The following MTMR3 variants were observed in gnomAD, a reference collection of about 807,000 sequenced individuals.
The protein encoded by MTMR3 is phosphatidylinositol-3,5-bisphosphate 3-phosphatase MTMR3.
In MTMR3, 32 loss-of-function variants were observed where a neutral mutation model predicts 132.4. The observed-to-expected ratio is 0.24, with a 90% confidence interval of 0.18 to 0.32. MTMR3 has a LOEUF of 0.32. MTMR3 is among the 10% of genes least tolerant of loss of function. The pLI, the probability that MTMR3 is intolerant of heterozygous loss-of-function variation, is 1.00. For missense variants in MTMR3, 1,216 were observed against 1,489.6 expected, an observed-to-expected ratio of 0.82 and a Z score of 3.02; for synonymous variants, 556 against 550.3, an observed-to-expected ratio of 1.01 and a Z score of -0.14.
chr22:29,914,399 T>G (rs2065271257), intron 1 of MTMR3, among the ~76,000 whole-genome samples: 1 of 152,214 alleles, frequency 6.6e-6, no homozygotes, highest in South Asian at 2.1e-4. Flanking sequence ...TATATGTCTT[T>G]GGTGAAGTGT....
intron 1 of MTMR3, among the ~76,000 whole-genome samples, chr22:29,924,161 A>G (rs1408353001): frequency 6.6e-6 from 1 of 152,150 alleles, no homozygotes; most frequent in African/African-American, 2.4e-5. Context: ...TTACAGTTTT[A>G]GCTCTTATAG....
chr22:29,969,261 A>G (rs1392957224), intron 2 of MTMR3, among the ~76,000 whole-genome samples: 2 of 152,234 alleles, frequency 1.3e-5, no homozygotes, highest in Non-Finnish European at 2.9e-5. Flanking sequence ...ATCAATAAAT[A>G]GAAAATCCTT....
chr22:29,918,083 T>G (rs901429727), intron 1 of MTMR3, among the ~76,000 whole-genome samples: 2 of 152,206 alleles, frequency 1.3e-5, no homozygotes, highest in Non-Finnish European at 2.9e-5. Context: ...AAAAAATTAG[T>G]AACTGCTGGT....
At chr22:29,949,833 A>G (rs2096814975) in intron 1 of MTMR3, among the ~76,000 whole-genome samples, 1 of 152,188 alleles carries the variant, frequency 6.6e-6, no homozygotes, top group African/African-American at 2.4e-5. Flanking sequence ...GGCAGAAGTC[A>G]TCACAAGATT....
At chr22:29,927,011 A>T (rs1431287098) in intron 1 of MTMR3, among the ~76,000 whole-genome samples, 1 of 152,150 alleles carries the variant, frequency 6.6e-6, no homozygotes, top group Admixed American at 6.6e-5. Flanking sequence ...TAATTTTTGT[A>T]TATGGTGTGA....
chr22:29,979,224 G>T (rs1487939593), intron 5 of MTMR3, 172 bp downstream of exon 5: 11 of 491,070 alleles, frequency 2.2e-5, no homozygotes, highest in Non-Finnish European at 4.1e-5. Flanking sequence ...CAGGCGCGGT[G>T]GCTCACGCCT....
At chr22:29,956,924 CATT>C (rs1363168220) in intron 1 of MTMR3, 109 bp from the exon 2 acceptor site, 3 of 152,290 alleles carry the variant, frequency 2.0e-5, no homozygotes, top group Non-Finnish European at 4.4e-5. Context: ...TTAAAAATCT[CATT>C]GTCATAGCAT....
At chr22:29,954,207 G>C (rs112775644) in intron 1 of MTMR3, among the ~76,000 whole-genome samples, 4 of 151,264 alleles carry the variant, frequency 2.6e-5, no homozygotes, top group African/African-American at 9.7e-5. Flanking sequence ...TCAGCCTCCC[G>C]AGTACCTGGG....
chr22:29,983,988 T>C (rs1488935800), intron 5 of MTMR3: 2 of 151,902 alleles, frequency 1.3e-5, no homozygotes, highest in South Asian at 2.1e-4. Context: ...TTTTATGTTA[T>C]GTTATGTTAT....
rs183214402 is a variant in MTMR3, at chr22:29,962,429, G to A, written c.-85+5341G>A. 2.6e-3 allele frequency among the ~76,000 whole-genome samples: 399 copies of A among 152,230 alleles called. 3 individuals are homozygous for A. The highest frequency in any genetic ancestry group is 9.2e-3 in the African/African-American group (381 of 41,538). On this transcript the variant is annotated intron_variant, in intron 2 of 19. Coordinates refer to ENST00000401950, the MANE Select transcript of MTMR3 (RefSeq NM_021090.4). ...TGACTGTAATCCCAGCAGTTTGGGAGGCCAAGGTGAGAGGATTGTTTGAGG... is the reference window on the plus strand; with the variant it reads ...TGACTGTAATCCCAGCAGTTTGGGAAGCCAAGGTGAGAGGATTGTTTGAGG...
chr22:29,966,653 C>T (rs553201630), intron 2 of MTMR3, among the ~76,000 whole-genome samples: 9 of 151,650 alleles, frequency 5.9e-5, no homozygotes, highest in Admixed American at 5.9e-4. Flanking sequence ...TGATTCTTTC[C>T]CCTTACTTGC....
intron 1 of MTMR3, among the ~76,000 whole-genome samples, chr22:29,943,284 C>T (rs1221619146): frequency 6.6e-6 from 1 of 152,004 alleles, no homozygotes; most frequent in East Asian, 1.9e-4. Context: ...GCTCTGCCTC[C>T]CAGGTTCATG....
chr22:30,015,222 A>ATTTT, intron 14 of MTMR3: 1 of 140,988 alleles, frequency 7.1e-6, no homozygotes, highest in East Asian at 2.1e-4. Context: ...GATGTTTTTA[A>ATTTT]TTTTTTTTTT....
chr22:29,904,872 A>G (rs1348385705), intron 1 of MTMR3, among the ~76,000 whole-genome samples: 3 of 151,918 alleles, frequency 2.0e-5, no homozygotes, highest in Admixed American at 1.3e-4. Flanking sequence ...CAGTTAGACA[A>G]TGAAGTTACA....
In MTMR3 at chr22:30,022,130, G is replaced by A; in HGVS notation, c.3327G>A (p.Gln1109=). 1 of 1,612,486 alleles carries A rather than the reference G, an allele frequency of 6.2e-7. No homozygotes were observed. The highest frequency in any genetic ancestry group is 8.5e-7 in the Non-Finnish European group (1 of 1,178,464). The change falls in exon 18 of 20, where the codon CAG becomes CAA. Residue 1109 remains glutamine (Q), a synonymous_variant. Coordinates refer to ENST00000401950, the MANE Select transcript of MTMR3 (RefSeq NM_021090.4). The stretch of plus-strand genomic sequence containing the variant: ...CCAGCTGGGAGCAGGTGGATAAACA[G>A]GACACAGAGGTACAGGCTCAGCCCC... ...SEASWEQVDK[Q]DTEMTRWLPD... is the part of the protein sequence containing the mutation.
intron 1 of MTMR3, among the ~76,000 whole-genome samples, chr22:29,902,814 A>T: frequency 6.6e-6 from 1 of 152,164 alleles, no homozygotes; most frequent in East Asian, 1.9e-4. Flanking sequence ...ATAAGACATA[A>T]AACTTAGGTT....
chr22:29,926,212 A>G (rs886160379), intron 1 of MTMR3, among the ~76,000 whole-genome samples: 5 of 152,202 alleles, frequency 3.3e-5, no homozygotes, highest in African/African-American at 1.2e-4. Context: ...GTTGTAGCAC[A>G]TTATCAGTAC....
chr22:30,021,817 T>C (rs1450041274), intron 17 of MTMR3: 1 of 551,678 alleles, frequency 1.8e-6, no homozygotes. Flanking sequence ...CCAGAGTCAC[T>C]GCACACAACC....
rs2067904195 is a variant in MTMR3 at position 30,025,999 on chromosome 22, ATCC to A, written c.*207_*209del. Reference sequence around the variant, plus strand: ...CCCCTACTCCCTCCCTACCTTTTCCATCCTCCTCCTCTGCCTTCAAAAAAGGAA... The same window carrying A: ...CCCCTACTCCCTCCCTACCTTTTCCATCCTCCTCTGCCTTCAAAAAAGGAA... On this transcript the variant is annotated 3_prime_UTR_variant, in exon 20 of 20. Coordinates refer to ENST00000401950, the MANE Select transcript of MTMR3 (RefSeq NM_021090.4). 1 of 483,366 alleles carries A rather than the reference ATCC, an allele frequency of 2.1e-6. No homozygotes were observed. The highest frequency in any genetic ancestry group is 3.6e-6 in the Non-Finnish European group (1 of 277,534). The allele number at this position is 483,366 out of a possible 1,614,324, so 29.9% of individuals were successfully genotyped here.
Sources: gnomAD v4.1 joint callset for allele counts (sites outside exome capture counted in the v4.1 genomes callset) on GRCh38, gnomAD v4.1.1 for gene constraint, MANE v1.5 for transcripts, NCBI Gene and HGNC (gene_info 2026-07-23, HGNC 2026-07-21) for gene names.